Variants in TRIM65 observed in about 807,000 individuals in gnomAD.
TRIM65 encodes E3 ubiquitin-protein ligase TRIM65.
A neutral mutation model predicts 36.1 loss-of-function variants in TRIM65; 46 were observed. The ratio of observed to expected loss-of-function variants is 1.27; its 90% CI spans 1.01 to 1.63. The LOEUF is 1.63. Among genes scored for constraint, TRIM65 ranks in the 40% most tolerant of loss-of-function variants. TRIM65 has a pLI of 0.00. For synonymous variants in TRIM65, 346 were observed against 313.6 expected, an observed-to-expected ratio of 1.10 and a Z score of -1.09; for missense variants, 708 against 696.6, an observed-to-expected ratio of 1.02 and a Z score of -0.18.
In TRIM65 at chr17:75,892,852, T is replaced by G. The variant is rs778963017; in HGVS notation, c.415-2A>C. 1.6e-5 allele frequency: 26 copies of G among 1,601,096 alleles called. No homozygotes were observed. Among genetic ancestry groups the G allele is most frequent in the Admixed American group, 1.7e-5 (1 of 59,980 alleles). On this transcript the variant is annotated splice_acceptor_variant, in intron 1 of 5. Coordinates refer to ENST00000269383, the MANE Select transcript of TRIM65 (RefSeq NM_173547.4). LOFTEE classifies it high-confidence loss of function. ...CTCCAGGCTGGCTCTCAGCTGGGCC[T>G]GTGGTGCGGGCCCACGGGACAAGCA... is the stretch of plus-strand genomic sequence containing the variant.
downstream of TRIM65, among the ~76,000 whole-genome samples, chr17:75,884,459 CAA>C (rs145556707): frequency 4.0e-5 from 6 of 148,198 alleles, no homozygotes; most frequent in Admixed American, 4.0e-4. Flanking sequence ...AACTCCGTCT[CAA>C]AAAAAAAAGT....
At chr17:75,886,042 G>A (rs1476170818), downstream of TRIM65, among the ~76,000 whole-genome samples, 4 of 152,162 alleles carry the variant, frequency 2.6e-5, no homozygotes, top group Admixed American at 6.6e-5. Flanking sequence ...ATGGGGGCTG[G>A]TTTTTCCCAT....
downstream of TRIM65, among the ~76,000 whole-genome samples, chr17:75,888,148 T>G (rs958012319): frequency 1.8e-4 from 27 of 149,848 alleles, no homozygotes; most frequent in Admixed American, 1.7e-3. Flanking sequence ...AGAGTGAGAC[T>G]CTGTCTCAAA....
chr17:75,892,335 C>A lies in TRIM65; in HGVS notation c.676G>T (p.Ala226Ser), dbSNP rs748168959. ...ATCCTGCAGCCATGGCGAGCCACAG[C>A]CTCCAAATGGACCCGCAGCCGCTGC... ...EEQRLRVHLE[A>S]VARHGCRIRE... is the part of the protein sequence containing the mutation. Residue 226 changes from alanine (A) to serine (S), a missense_variant, in exon 3 of 6, where the codon GCT becomes TCT. Ala to Ser is a moderately conservative substitution (Grantham distance 99). Coordinates refer to ENST00000269383, the MANE Select transcript of TRIM65 (RefSeq NM_173547.4). 3.1e-6 allele frequency: 5 copies of A among 1,612,936 alleles called. No homozygotes were observed. The highest frequency in any genetic ancestry group is 4.2e-6 in the Non-Finnish European group (5 of 1,179,966).
chr17:75,896,470 G>A, intron 1 of TRIM65, 54 bp downstream of exon 1: 1 of 1,286,794 alleles, frequency 7.8e-7, no homozygotes, highest in South Asian at 2.1e-5. Context: ...GTCACCCGGC[G>A]GTGGCCAGGC....
At chr17:75,884,881 A>G (rs769692112), downstream of TRIM65, among the ~76,000 whole-genome samples, 3 of 151,152 alleles carry the variant, frequency 2.0e-5, no homozygotes, top group Non-Finnish European at 4.4e-5. Context: ...TCCGCCCATC[A>G]CAGCCTCCCA....
chr17:75,887,301 T>C (rs764560078), downstream of TRIM65, among the ~76,000 whole-genome samples: 2 of 151,232 alleles, frequency 1.3e-5, no homozygotes, highest in Non-Finnish European at 2.9e-5. Context: ...CTGGCCAAAC[T>C]GGTGAAACCA....
At chr17:75,896,468 G>T in intron 1 of TRIM65, 56 bp downstream of exon 1, 1 of 1,286,448 alleles carries the variant, frequency 7.8e-7, no homozygotes, top group South Asian at 2.1e-5. Context: ...GAGTCACCCG[G>T]CGGTGGCCAG....
At chr17:75,894,043 G>A (rs747700326) in intron 1 of TRIM65, among the ~76,000 whole-genome samples, 13 of 152,150 alleles carry the variant, frequency 8.5e-5, no homozygotes, top group Middle Eastern at 6.8e-3. Context: ...CATCTCAGCC[G>A]CTCCTGTGAA....
rs1342647494 is a variant in TRIM65 at position 75,892,442 on chromosome 17, GC to G, written c.568del (p.Ala190ProfsTer10). 4 of 1,614,144 alleles carry G rather than the reference GC, an allele frequency of 2.5e-6. No homozygotes were observed. In the East Asian group the frequency reaches 8.9e-5, roughly 36 times the overall value. ...VSGKFSSLLQ[A>X]LEIQHTTALR... ...TGCTGTCGTGTGCTGTATTTCCAGG[GC>G]CTGTAGCAGGCTGCTGAACTTGCCG... is the stretch of plus-strand genomic sequence containing the variant. On this transcript the variant is annotated frameshift_variant, in exon 3 of 6. Transcript: ENST00000269383. LOFTEE classifies it high-confidence loss of function.
Position 75,896,903 on chromosome 17 carries a change from C to T in TRIM65, c.35G>A (p.Cys12Tyr), listed in dbSNP as rs1281415835. The T allele has an allele frequency of 2.0e-6, 3 of 1,514,946 alleles. No individual in the cohort carries two copies. The highest frequency in any genetic ancestry group is 2.6e-6 in the Non-Finnish European group (3 of 1,136,142). The allele number at this position is 1,514,946 out of a possible 1,614,324, so 93.8% of individuals were successfully genotyped here. A position where few individuals can be genotyped will look rare whatever the true frequency, so the allele number is the denominator to read the frequency against. The stretch of plus-strand genomic sequence containing the variant: ...CTGGTAGAGCCCCAGGCAGATGGCG[C>T]AGGTCAGCTTCTCCTCCAGCAGCTG... ...AAQLLEEKLT[C>Y]AICLGLYQDP... Residue 12 changes from cysteine (C) to tyrosine (Y), a missense_variant, in exon 1 of 6, where the codon TGC becomes TAC. Physicochemically the swap from Cys to Tyr is radical, Grantham distance 194. Coordinates refer to ENST00000269383, the MANE Select transcript of TRIM65 (RefSeq NM_173547.4).
intron 1 of TRIM65, among the ~76,000 whole-genome samples, chr17:75,895,464 C>T (rs1316599401): frequency 6.6e-6 from 1 of 152,180 alleles, no homozygotes; most frequent in Non-Finnish European, 1.5e-5. Flanking sequence ...CCCGATCCTG[C>T]CCCTGCTGAC....
chr17:75,896,587 G>C lies in TRIM65; in HGVS notation c.351C>G (p.Cys117Trp). ...CGTGGAGGCGACACTCGCGCACGGT[G>C]CACACGCTGCACACACAGCGGCCCT... ...RTEGRCVCSV[C>W]TVRECRLHER... is the part of the protein sequence containing the mutation. Residue 117 changes from cysteine (C) to tryptophan (W), a missense_variant, in exon 1 of 6, where the codon TGC becomes TGG. Cys to Trp is a radical substitution (Grantham distance 215). Coordinates refer to ENST00000269383, the MANE Select transcript of TRIM65 (RefSeq NM_173547.4). 7.7e-7 allele frequency: 1 copy of C among 1,299,456 alleles called. No individual in the cohort carries two copies. Among genetic ancestry groups the C allele is most frequent in the South Asian group, 2.4e-5 (1 of 42,492 alleles). 80.5% of individuals were successfully genotyped at this position (1,299,456 alleles called of 1,614,324 possible).
At chr17:75,880,867 A>T (rs2065164797) in intron 4 of TRIM65, among the ~76,000 whole-genome samples, 2 of 150,312 alleles carry the variant, frequency 1.3e-5, no homozygotes, top group South Asian at 4.2e-4. Context: ...GTGGGAAAAT[A>T]CCCTCAGGTC....
chr17:75,894,809 G>A (rs578144933), intron 1 of TRIM65, among the ~76,000 whole-genome samples: 3 of 152,250 alleles, frequency 2.0e-5, no homozygotes, highest in Non-Finnish European at 2.9e-5. Context: ...GATTACAGGC[G>A]TGAGCCACTG....
chr17:75,881,514 A>T (rs1267657465), intron 4 of TRIM65, among the ~76,000 whole-genome samples: 1 of 150,592 alleles, frequency 6.6e-6, no homozygotes, highest in Non-Finnish European at 1.5e-5. Flanking sequence ...CTGTGTCCTC[A>T]CATGGCCAAG....
At chr17:75,895,044 C>T (rs1858536586) in intron 1 of TRIM65, among the ~76,000 whole-genome samples, 1 of 152,194 alleles carries the variant, frequency 6.6e-6, no homozygotes, top group African/African-American at 2.4e-5. Context: ...GTCCCACTGG[C>T]CACTGTGACC....
rs1378780210 is a variant in TRIM65, at chr17:75,896,580, G to A, written c.358C>T (p.Arg120Cys). The A allele has an allele frequency of 2.2e-6, 3 of 1,361,136 alleles. No homozygotes were observed. The highest frequency in any genetic ancestry group is 1.9e-6 in the Non-Finnish European group (2 of 1,058,712). 84.3% of individuals were successfully genotyped at this position (1,361,136 alleles called of 1,614,324 possible). A position where few individuals can be genotyped will look rare whatever the true frequency, so the allele number is the denominator to read the frequency against. The change falls in exon 1 of 6, where the codon CGC becomes TGC. Residue 120 changes from arginine to cysteine, a missense_variant. Arg to Cys is a radical substitution (Grantham distance 180). Coordinates refer to ENST00000269383, the MANE Select transcript of TRIM65 (RefSeq NM_173547.4). ...GRCVCSVCTV[R>C]ECRLHERALL... ...GCCCGCTCGTGGAGGCGACACTCGC[G>A]CACGGTGCACACGCTGCACACACAG...
At chr17:75,885,892 G>A (rs905825036), downstream of TRIM65, among the ~76,000 whole-genome samples, 1 of 152,142 alleles carries the variant, frequency 6.6e-6, no homozygotes. Context: ...TATCCTGCCT[G>A]GAAAGGCACA....
Sources: allele counts gnomAD v4.1 joint callset (sites outside exome capture counted in the v4.1 genomes callset), GRCh38; gene constraint gnomAD v4.1.1; transcripts MANE v1.5; gene names NCBI Gene and HGNC (gene_info 2026-07-23, HGNC 2026-07-21).